The following CYP3A43 variants were observed in gnomAD, a reference collection of about 807,000 sequenced individuals.
The protein encoded by CYP3A43 is cytochrome P450 family 3 subfamily A member 43.
Under a neutral mutation model 58.0 loss-of-function variants are expected in CYP3A43, and 45 were observed. The ratio of observed to expected loss-of-function variants is 0.78; its 90% CI spans 0.61 to 0.99. The LOEUF (loss-of-function observed/expected upper bound fraction) is 0.99. Ranked by LOEUF, CYP3A43 falls within the 50% of genes least tolerant of loss-of-function variation. The pLI is 0.00. For missense variants in CYP3A43, 593 were observed against 591.9 expected (o/e 1.00, Z -0.02); for synonymous variants, 191 against 201.4 (o/e 0.95, Z 0.44).
chr7:99,846,982 C>A (rs976816756), intron 4 of CYP3A43, among the ~76,000 whole-genome samples: 3 of 152,088 alleles, frequency 2.0e-5, no homozygotes, highest in Non-Finnish European at 4.4e-5. Context: ...CTTCAAAGTG[C>A]ATTCTTAGTC....
At position 99,847,372 on chromosome 7, in the gene CYP3A43, C is replaced by A. The variant is rs973280395; in HGVS notation, c.319-116C>A. 5.9e-6 allele frequency: 6 copies of A among 1,020,672 alleles called. No homozygotes were observed. In the Admixed American group the frequency reaches 7.3e-5, roughly 12 times the overall value. The allele number at this position is 1,020,672 out of a possible 1,614,324, so 63.2% of individuals were successfully genotyped here. Reference sequence around the variant, plus strand: ...AGCATCTAGTATAGAGCCTGCCACCCAGTAGATAGTTACTAAATATTTGTT... The same window carrying A: ...AGCATCTAGTATAGAGCCTGCCACCAAGTAGATAGTTACTAAATATTTGTT... On this transcript the variant is annotated intron_variant, in intron 4 of 12. Transcript: ENST00000354829.
At chr7:99,839,340 A>G in intron 3 of CYP3A43, 168 bp downstream of exon 3, 2 of 817,922 alleles carry the variant, frequency 2.4e-6, no homozygotes, top group South Asian at 1.4e-5. Flanking sequence ...GGAATTGAGC[A>G]TTGCAAGGGG....
At chr7:99,842,821 C>T (rs536809644) in intron 3 of CYP3A43, among the ~76,000 whole-genome samples, 1 of 152,282 alleles carries the variant, frequency 6.6e-6, no homozygotes, top group East Asian at 1.9e-4. Flanking sequence ...TGGCGTCCCT[C>T]GTAAGTTTCT....
At chr7:99,842,354 TATC>T (rs2151600018) in intron 3 of CYP3A43, among the ~76,000 whole-genome samples, 1 of 152,342 alleles carries the variant, frequency 6.6e-6, no homozygotes, top group East Asian at 1.9e-4. Flanking sequence ...TTCCCATGCT[TATC>T]ATTGTCAATT....
chr7:99,844,400 C>G (rs187199266), intron 4 of CYP3A43, among the ~76,000 whole-genome samples, 158 bp downstream of exon 4: 2 of 152,316 alleles, frequency 1.3e-5, no homozygotes, highest in East Asian at 3.9e-4. Flanking sequence ...CAGTGTATTT[C>G]TGTCACTCTA....
intron 3 of CYP3A43, among the ~76,000 whole-genome samples, chr7:99,840,879 C>T (rs1817304386): frequency 6.6e-6 from 1 of 152,166 alleles, no homozygotes; most frequent in Admixed American, 6.5e-5. Flanking sequence ...ATTTTCCCAT[C>T]AGTGTGATAG....
intron 4 of CYP3A43, among the ~76,000 whole-genome samples, chr7:99,845,804 C>A (rs1176392604): frequency 8.7e-5 from 13 of 150,066 alleles, no homozygotes; most frequent in Admixed American, 6.0e-4. Flanking sequence ...TTAAGACGGT[C>A]TCGCTCTGTA....
chr7:99,863,513 T>G (rs1276099472), intron 11 of CYP3A43, 24 bp from the exon 12 acceptor site: 3 of 1,559,840 alleles, frequency 1.9e-6, no homozygotes, highest in East Asian at 4.6e-5. Flanking sequence ...ATTAACTAGT[T>G]TTTATGTACT....
At chr7:99,834,163 C>G (rs1584196230) in intron 1 of CYP3A43, among the ~76,000 whole-genome samples, 1 of 152,266 alleles carries the variant, frequency 6.6e-6, no homozygotes, top group Middle Eastern at 3.4e-3. Context: ...ATTTGTGTTG[C>G]TTGTATTGCC....
At chr7:99,833,817 G>T (rs1363335695) in intron 1 of CYP3A43, among the ~76,000 whole-genome samples, 5 of 152,180 alleles carry the variant, frequency 3.3e-5, no homozygotes, top group African/African-American at 1.2e-4. Flanking sequence ...GGCTACTATT[G>T]CCTCTATAGT....
intron 3 of CYP3A43, among the ~76,000 whole-genome samples, chr7:99,842,593 T>C (rs1817377130): frequency 6.6e-6 from 1 of 152,188 alleles, no homozygotes; most frequent in African/African-American, 2.4e-5. Flanking sequence ...AAACATACTG[T>C]GGTCCTTTAT....
chr7:99,849,866 C>G, intron 7 of CYP3A43, 172 bp downstream of exon 7: 1 of 748,684 alleles, frequency 1.3e-6, no homozygotes, highest in South Asian at 1.8e-5. Flanking sequence ...TTGTTAACTT[C>G]TGGACATTTT....
intron 12 of CYP3A43, among the ~76,000 whole-genome samples, chr7:99,864,458 C>A (rs1431845986): frequency 6.7e-6 from 1 of 148,628 alleles, no homozygotes; most frequent in Non-Finnish European, 1.5e-5. Context: ...TACATCAATT[C>A]CCCAAGCCAC....
At chr7:99,861,080 G>C (rs1436999642) in intron 10 of CYP3A43, among the ~76,000 whole-genome samples, 1 of 152,092 alleles carries the variant, frequency 6.6e-6, no homozygotes, top group Non-Finnish European at 1.5e-5. Context: ...CACCATGTTG[G>C]CCAGGCTGGT....
chr7:99,847,064 A>G (rs986410076), intron 4 of CYP3A43, among the ~76,000 whole-genome samples: 1 of 152,084 alleles, frequency 6.6e-6, no homozygotes, highest in Non-Finnish European at 1.5e-5. Flanking sequence ...TTCTCATGCT[A>G]TAGGTGTATT....
intron 6 of CYP3A43, 40 bp downstream of exon 6, chr7:99,848,294 C>A: frequency 6.3e-7 from 1 of 1,597,008 alleles, no homozygotes; most frequent in Non-Finnish European, 8.6e-7. Flanking sequence ...TGTCATGAGC[C>A]CCTCCAGCTG....
At chr7:99,843,463 T>A (rs558316896) in intron 3 of CYP3A43, among the ~76,000 whole-genome samples, 1 of 152,032 alleles carries the variant, frequency 6.6e-6, no homozygotes, top group East Asian at 1.9e-4. Context: ...CATAACTGTT[T>A]ATTTTATTTT....
intron 3 of CYP3A43, chr7:99,839,529 T>G: frequency 2.2e-6 from 1 of 459,934 alleles, no homozygotes; most frequent in African/African-American, 2.0e-5. Flanking sequence ...GGTAATAGCT[T>G]CATACATAAG....
At chr7:99,834,315 A>G (rs1816975070) in intron 1 of CYP3A43, among the ~76,000 whole-genome samples, 1 of 152,138 alleles carries the variant, frequency 6.6e-6, no homozygotes. Context: ...ATAGTATTTA[A>G]TGATTCTTTC....
Sources: gnomAD v4.1 joint callset for allele counts (sites outside exome capture counted in the v4.1 genomes callset) on GRCh38, gnomAD v4.1.1 for gene constraint, MANE v1.5 for transcripts, NCBI Gene and HGNC (gene_info 2026-07-23, HGNC 2026-07-21) for gene names.